The following MAST3 variants were observed in gnomAD, a reference collection of about 807,000 sequenced individuals.
MAST3 encodes the protein microtubule-associated serine/threonine-protein kinase 3.
In MAST3, 43 loss-of-function variants were observed where a neutral mutation model predicts 127.0. The ratio of observed to expected loss-of-function variants is 0.34; its 90% CI spans 0.27 to 0.44. MAST3 has a LOEUF of 0.44. Ranked by LOEUF, MAST3 falls within the 20% of genes least tolerant of loss-of-function variation. MAST3 has a pLI of 1.00. For missense variants in MAST3, 1,390 were observed against 1,919.1 expected, an observed-to-expected ratio of 0.72 and a Z score of 5.15; for synonymous variants, 785 against 809.2, an observed-to-expected ratio of 0.97 and a Z score of 0.51.
intron 3 of MAST3, among the ~76,000 whole-genome samples, chr19:18,119,436 T>G (rs1232054167): frequency 1.3e-5 from 2 of 152,190 alleles, no homozygotes; most frequent in African/African-American, 2.4e-5. Flanking sequence ...TGGGTTTCAC[T>G]TTTGCTTCTG....
intron 1 of MAST3, among the ~76,000 whole-genome samples, chr19:18,106,640 C>T (rs1023603670): frequency 3.0e-4 from 46 of 151,284 alleles, no homozygotes; most frequent in African/African-American, 1.1e-3. Context: ...GGTGTGACCT[C>T]GGCTCACTGC....
intron 14 of MAST3, 128 bp from the exon 15 acceptor site, chr19:18,131,781 T>C (rs2041320862): frequency 9.9e-6 from 10 of 1,006,922 alleles, no homozygotes; most frequent in East Asian, 2.6e-5. Flanking sequence ...CCCGCTGAGA[T>C]AGAACAAACT....
intron 10 of MAST3, 101 bp downstream of exon 10, chr19:18,124,467 G>T: frequency 7.4e-7 from 1 of 1,356,622 alleles, no homozygotes; most frequent in South Asian, 1.3e-5. Flanking sequence ...CATCGTGTAG[G>T]GCTTTGAGAG....
intron 5 of MAST3, among the ~76,000 whole-genome samples, chr19:18,122,392 G>T (rs1246464568): frequency 2.0e-5 from 3 of 152,030 alleles, no homozygotes; most frequent in African/African-American, 7.3e-5. Context: ...TCCGTTTGGT[G>T]GGGGGTGGTC....
Position 18,107,614 on chromosome 19 carries a change from C to A in MAST3, c.67C>A (p.Arg23Ser). 1 of 1,612,324 alleles carries A rather than the reference C, an allele frequency of 6.2e-7. No homozygotes were observed. Among genetic ancestry groups the A allele is most frequent in the Non-Finnish European group, 8.5e-7 (1 of 1,179,180 alleles). The change falls in exon 2 of 28, where the codon CGT becomes AGT. Residue 23 changes from arginine (R) to serine (S), a missense_variant. Transcript: ENST00000687212. ...GGAGCTGAGCCTGCCACGCCGAGGACGTGGGTGAGTTCACCTGGGACTGGC... is the reference window on the plus strand; with the variant it reads ...GGAGCTGAGCCTGCCACGCCGAGGAAGTGGGTGAGTTCACCTGGGACTGGC... ...QKELSLPRRG[R>S]GLSPSSQSPS...
rs147898224 is a variant in MAST3 at position 18,127,697 on chromosome 19, A to T, written c.1079-703A>T. Among the ~76,000 whole-genome samples the T allele has an allele frequency of 2.5e-3, 385 of 151,968 alleles. 9 individuals carry two copies. The highest frequency in any genetic ancestry group is 0.019 in the Admixed American group (286 of 15,266). On this transcript the variant is annotated intron_variant, in intron 11 of 27. Coordinates refer to ENST00000687212, the MANE Select transcript of MAST3 (RefSeq NM_001393504.1). The stretch of plus-strand genomic sequence containing the variant: ...AGACTGCGTCTCAAAAAATAAAAAT[A>T]CAAATACAAAAATTAGCTGGGCATG...
At chr19:18,134,794 T>C in intron 16 of MAST3, 23 bp from the exon 17 acceptor site, 1 of 1,613,838 alleles carries the variant, frequency 6.2e-7, no homozygotes, top group Non-Finnish European at 8.5e-7. Context: ...CTGGCCTCAG[T>C]TTCCCCGTTC....
intron 2 of MAST3, among the ~76,000 whole-genome samples, chr19:18,108,094 C>T (rs898198143): frequency 2.6e-5 from 4 of 152,044 alleles, no homozygotes; most frequent in Non-Finnish European, 5.9e-5. Flanking sequence ...AGTTCAAGAT[C>T]AGCCTGGCCA....
rs963426491 is a variant in MAST3 at position 18,130,475 on chromosome 19, C to A, written c.1224-19C>A. On this transcript the variant is annotated intron_variant, in intron 13 of 27. Transcript: ENST00000687212. Reference sequence around the variant, plus strand: ...GGCCTCGATCTCCGGTCCCAGCAAGCCTGGCCCTCTGTCCCCAGGGCCGTC... The same window carrying A: ...GGCCTCGATCTCCGGTCCCAGCAAGACTGGCCCTCTGTCCCCAGGGCCGTC... 2 of 1,575,734 alleles carry A rather than the reference C, an allele frequency of 1.3e-6. No individual in the cohort carries two copies. The highest frequency in any genetic ancestry group is 8.6e-7 in the Non-Finnish European group (1 of 1,159,862).
chr19:18,137,655 T>G (rs73925422), intron 19 of MAST3, among the ~76,000 whole-genome samples: 2,052 of 152,236 alleles, frequency 0.013, 40 homozygotes, highest in African/African-American at 0.047. Context: ...AAGTTGGGCC[T>G]CCTGGGTGTC....
rs2042914634 is a variant in MAST3, at chr19:18,145,315, C to T, written c.3039+86C>T. 3.0e-6 allele frequency: 4 copies of T among 1,331,560 alleles called. No individual in the cohort carries two copies. Among genetic ancestry groups the T allele is most frequent in the East Asian group, 4.6e-5 (2 of 43,306 alleles). The allele number at this position is 1,331,560 out of a possible 1,614,324, so 82.5% of individuals were successfully genotyped here. A position where few individuals can be genotyped will look rare whatever the true frequency, so the allele number is the denominator to read the frequency against. Reference sequence around the variant, plus strand: ...CCCTTCTCAGAGCTGCATTTTGGAGCCTGGCAGGGTTAGGTAGATAGAGCT... The same window carrying T: ...CCCTTCTCAGAGCTGCATTTTGGAGTCTGGCAGGGTTAGGTAGATAGAGCT... On this transcript the variant is annotated intron_variant, in intron 24 of 27. Coordinates refer to ENST00000687212, the MANE Select transcript of MAST3 (RefSeq NM_001393504.1). This position sits in a 1 kb window ranked among gnomAD's most constrained non-coding sequence, Gnocchi z 5.9.
intron 1 of MAST3, among the ~76,000 whole-genome samples, chr19:18,106,958 G>A (rs996441347): frequency 7.2e-6 from 1 of 138,522 alleles, no homozygotes; most frequent in Non-Finnish European, 1.5e-5. Context: ...GAGCCACCAT[G>A]CCCAGCAATT....
At chr19:18,113,117 A>G (rs970761764) in intron 3 of MAST3, among the ~76,000 whole-genome samples, 4 of 152,038 alleles carry the variant, frequency 2.6e-5, no homozygotes, top group Non-Finnish European at 5.9e-5. Flanking sequence ...GGAGGGAGGA[A>G]GTATCTGGGA....
In MAST3 at chr19:18,130,719, T is replaced by C; in HGVS notation, c.1432+17T>C. Reference sequence around the variant, plus strand: ...ACGTGGAAGGTACGCTCACTGGGGCTTGCATGCCTCCAGCGATGGGGAGCT... The same window carrying C: ...ACGTGGAAGGTACGCTCACTGGGGCCTGCATGCCTCCAGCGATGGGGAGCT... On this transcript the variant is annotated intron_variant, in intron 14 of 27. Transcript: ENST00000687212. 1 of 1,610,228 alleles carries C rather than the reference T, an allele frequency of 6.2e-7. No homozygotes were observed. Among genetic ancestry groups the C allele is most frequent in the Non-Finnish European group, 8.5e-7 (1 of 1,177,996 alleles).
chr19:18,149,638 C>A lies in MAST3; in HGVS notation c.3956C>A (p.Ala1319Asp), dbSNP rs746501195. ...EVSFDEPQEE[A>D]TGLPTSVPQI... ...AGCTTCGATGAGCCGCAGGAGGAGG[C>A]CACTGGGCTGCCCACCTCAGTGCCA... The change falls in exon 28 of 28, where the codon GCC (alanine) becomes GAC (aspartate). Residue 1319 changes from alanine to aspartate, a missense_variant. Physicochemically the swap from Ala to Asp is moderately radical, Grantham distance 126. This residue lies in a region of MAST3 where 816 missense variants were observed against 934.1 expected (regional missense o/e 0.87). Coordinates refer to ENST00000687212, the MANE Select transcript of MAST3 (RefSeq NM_001393504.1). The surrounding 1 kb of genome is among the most constrained non-coding windows in gnomAD (Gnocchi z 5.9). The A allele has an allele frequency of 5.0e-6, 8 of 1,613,246 alleles. No individual in the cohort carries two copies. Among genetic ancestry groups the A allele is most frequent in the Non-Finnish European group, 6.8e-6 (8 of 1,179,882 alleles).
chr19:18,123,872 G>T, intron 8 of MAST3, 67 bp from the exon 9 acceptor site: 1 of 1,424,664 alleles, frequency 7.0e-7, no homozygotes, highest in African/African-American at 1.4e-5. Context: ...TGCCTCTCCT[G>T]CCCCATTCTG....
In MAST3 at chr19:18,139,075, C is replaced by T. The variant is rs755771363; in HGVS notation, c.2156C>T (p.Ser719Leu). The T allele has an allele frequency of 1.7e-5, 28 of 1,605,094 alleles. No homozygotes were observed. The Admixed American group carries it at 3.9e-4, about 22-fold the overall frequency. The change falls in exon 20 of 28, where the codon TCG (serine) becomes TTG (leucine). Residue 719 changes from serine (S) to leucine (L), a missense_variant. Coordinates refer to ENST00000687212, the MANE Select transcript of MAST3 (RefSeq NM_001393504.1). The part of the protein sequence containing the change: ...SEDDETNDEE[S>L]STEIPQFSSC... ...GACGACGAGACCAATGATGAAGAAT[C>T]GTCCACAGAGATCCCCCAGTTCTCC...
At chr19:18,098,092 G>GC (rs1341376986) in intron 1 of MAST3, among the ~76,000 whole-genome samples, 2 of 152,144 alleles carry the variant, frequency 1.3e-5, no homozygotes, top group Non-Finnish European at 2.9e-5. Flanking sequence ...TGAGGGCTCT[G>GC]CCCCTCCCCA....
rs574222593 is a variant in MAST3, at chr19:18,150,132, G to A, written c.*406G>A. ...TTCCCAAGTGGCTGGGATTACAGGC[G>A]CCCACCACTATGCCCAGCTAATTTT... On this transcript the variant is annotated 3_prime_UTR_variant, in exon 28 of 28. Transcript: ENST00000687212. 2.3e-3 allele frequency: 362 copies of A among 160,788 alleles called. No individual in the cohort carries two copies. Among genetic ancestry groups the A allele is most frequent in the African/African-American group, 0.011 (336 of 30,814 alleles). The allele number at this position is 160,788 out of a possible 1,614,324, so 10.0% of individuals were successfully genotyped here.
Sources: gnomAD v4.1 joint callset for allele counts (sites outside exome capture counted in the v4.1 genomes callset) on GRCh38, gnomAD v4.1.1 for gene constraint, gnomAD v4.1.1 regional missense constraint, Gnocchi (gnomAD v3.1) non-coding constraint, MANE v1.5 for transcripts, NCBI Gene and HGNC (gene_info 2026-07-23, HGNC 2026-07-21) for gene names.